Variants in R3HDM1 observed in about 807,000 individuals in gnomAD.
R3HDM1 encodes R3H domain containing 1, also known as R3H domain-containing protein 1.
A neutral mutation model predicts 141.1 loss-of-function variants in R3HDM1; 46 were observed. That is an observed-to-expected ratio of 0.33 (90% CI 0.26 to 0.42). The LOEUF is 0.42. Among genes scored for constraint, R3HDM1 ranks in the 10% least tolerant of loss-of-function variants. The pLI, the probability that R3HDM1 is intolerant of heterozygous loss-of-function variation, is 1.00. For synonymous variants in R3HDM1, 435 were observed against 472.9 expected (o/e 0.92, Z 1.04); for missense variants, 1,184 against 1,368.3 (o/e 0.87, Z 2.12).
chr2:135,717,732 C>G (rs927583186), intron 24 of R3HDM1, among the ~76,000 whole-genome samples: 26 of 152,166 alleles, frequency 1.7e-4, no homozygotes, highest in Non-Finnish European at 4.4e-5. Context: ...CTAAAATTCT[C>G]ACACATTGGC....
At chr2:135,658,313 C>T (rs891989283) in intron 18 of R3HDM1, among the ~76,000 whole-genome samples, 5 of 152,060 alleles carry the variant, frequency 3.3e-5, no homozygotes, top group African/African-American at 1.2e-4. Flanking sequence ...CTACAAGGCG[C>T]GTGCCACCAT....
At chr2:135,554,586 C>T (rs1700388681) in intron 1 of R3HDM1, among the ~76,000 whole-genome samples, 1 of 152,188 alleles carries the variant, frequency 6.6e-6, no homozygotes, top group Non-Finnish European at 1.5e-5. Context: ...AACTGCCAAA[C>T]AGTTTTCTAA....
At chr2:135,597,896 T>C (rs923406882) in intron 1 of R3HDM1, among the ~76,000 whole-genome samples, 2 of 152,190 alleles carry the variant, frequency 1.3e-5, no homozygotes, top group African/African-American at 2.4e-5. Context: ...GAGTATTTAT[T>C]GTTGGGGCTA....
At chr2:135,577,115 A>G (rs1705627922) in intron 1 of R3HDM1, 1 of 965,728 alleles carries the variant, frequency 1.0e-6, no homozygotes, top group South Asian at 4.8e-5. Context: ...ACCATATAAG[A>G]AAACCCATGT....
intron 20 of R3HDM1, among the ~76,000 whole-genome samples, chr2:135,676,783 G>A (rs1405000722): frequency 6.6e-6 from 1 of 152,262 alleles, no homozygotes. Flanking sequence ...TGCATTCCGG[G>A]CTAGGTGACA....
intron 1 of R3HDM1, among the ~76,000 whole-genome samples, chr2:135,591,813 A>G (rs1368814023): frequency 2.0e-5 from 3 of 152,202 alleles, no homozygotes; most frequent in South Asian, 2.1e-4. Flanking sequence ...TTATTGTACC[A>G]AAAGAATACA....
chr2:135,663,980 G>A (rs1423662705), intron 19 of R3HDM1, among the ~76,000 whole-genome samples: 1 of 149,590 alleles, frequency 6.7e-6, no homozygotes, highest in African/African-American at 2.5e-5. Context: ...GTTCCAGTGA[G>A]CTGAGATGGC....
At chr2:135,649,598 A>G (rs1274135511) in intron 16 of R3HDM1, among the ~76,000 whole-genome samples, 1 of 152,194 alleles carries the variant, frequency 6.6e-6, no homozygotes, top group Non-Finnish European at 1.5e-5. Flanking sequence ...TCTTTGTTAA[A>G]TAATAGGATT....
chr2:135,560,103 G>A (rs951086712), intron 1 of R3HDM1, among the ~76,000 whole-genome samples: 5 of 152,114 alleles, frequency 3.3e-5, no homozygotes, highest in African/African-American at 9.7e-5. Context: ...CAAAGTTGGC[G>A]CATGTATATA....
chr2:135,630,304 AAAAAC>A (rs2062568768), intron 7 of R3HDM1, among the ~76,000 whole-genome samples: 1 of 147,032 alleles, frequency 6.8e-6, no homozygotes, highest in African/African-American at 2.6e-5. Context: ...AAAAAAAAAA[AAAAAC>A]AAAAAAAAAA....
chr2:135,692,736 GT>G (rs1163828342), intron 21 of R3HDM1, among the ~76,000 whole-genome samples: 1 of 152,166 alleles, frequency 6.6e-6, no homozygotes. Flanking sequence ...TGAACTTGAA[GT>G]GGGAAGAACC....
At chr2:135,624,150 C>T (rs967751883) in intron 7 of R3HDM1, among the ~76,000 whole-genome samples, 3 of 152,172 alleles carry the variant, frequency 2.0e-5, no homozygotes, top group African/African-American at 4.8e-5. Context: ...AATCCCAGCA[C>T]TTTGGGAGGC....
At chr2:135,717,368 C>T (rs1161298882) in intron 24 of R3HDM1, among the ~76,000 whole-genome samples, 1 of 152,062 alleles carries the variant, frequency 6.6e-6, no homozygotes, top group East Asian at 1.9e-4. Context: ...CCTATAATCA[C>T]AGCTACTTGG....
chr2:135,690,467 C>T (rs1383244831), intron 21 of R3HDM1, among the ~76,000 whole-genome samples: 3 of 152,152 alleles, frequency 2.0e-5, no homozygotes. Context: ...ACACTTAAAA[C>T]TCTGTGAGGA....
chr2:135,639,332 T>C (rs980812738), intron 14 of R3HDM1, among the ~76,000 whole-genome samples: 2 of 152,208 alleles, frequency 1.3e-5, no homozygotes, highest in Non-Finnish European at 2.9e-5. Flanking sequence ...CAACCATCAA[T>C]TACCATAAAA....
chr2:135,693,297 G>A (rs2072725257), intron 21 of R3HDM1, among the ~76,000 whole-genome samples: 3 of 152,142 alleles, frequency 2.0e-5, no homozygotes, highest in Non-Finnish European at 4.4e-5. Context: ...GAAGCAAGCA[G>A]TGGTCTGGGT....
chr2:135,653,265 A>G (rs910799754), intron 18 of R3HDM1, among the ~76,000 whole-genome samples: 51 of 152,236 alleles, frequency 3.4e-4, no homozygotes, highest in African/African-American at 1.2e-3. Context: ...CTGAGGCAGG[A>G]GAATCACTTG....
At chr2:135,697,386 G>C (rs1219125366) in intron 21 of R3HDM1, among the ~76,000 whole-genome samples, 1 of 152,096 alleles carries the variant, frequency 6.6e-6, no homozygotes, top group Admixed American at 6.6e-5. Context: ...TATACTAGCT[G>C]GCTCTTGCAG....
chr2:135,670,346 G>A (rs1304858101), intron 19 of R3HDM1: 23 of 984,578 alleles, frequency 2.3e-5, no homozygotes, highest in Non-Finnish European at 2.8e-5. Flanking sequence ...TATATTTTTT[G>A]TCCTTTTAGC....
Sources: gnomAD v4.1 joint callset for allele counts (sites outside exome capture counted in the v4.1 genomes callset) on GRCh38, gnomAD v4.1.1 for gene constraint, MANE v1.5 for transcripts, NCBI Gene and HGNC (gene_info 2026-07-23, HGNC 2026-07-21) for gene names.